AKAP7: variants seen among roughly 807,000 people sequenced by gnomAD.
The protein encoded by AKAP7 is A-kinase anchoring protein 7.
AKAP7 carries 39 observed loss-of-function variants against 39.5 expected under a neutral mutation model. That is an observed-to-expected ratio of 0.99 (90% CI 0.76 to 1.29). AKAP7 has a LOEUF of 1.29. Among genes scored for constraint, AKAP7 ranks in the 50% most tolerant of loss-of-function variants. The pLI, the probability that AKAP7 is intolerant of heterozygous loss-of-function variation, is 0.00. For synonymous variants in AKAP7, 140 were observed against 139.1 expected (o/e 1.01, Z -0.05); for missense variants, 414 against 407.7 (o/e 1.02, Z -0.13).
chr6:131,217,770 C>T (rs1042832966), intron 6 of AKAP7, among the ~76,000 whole-genome samples: 5 of 152,064 alleles, frequency 3.3e-5, no homozygotes, highest in African/African-American at 9.7e-5. Flanking sequence ...TTTTACAAAA[C>T]GGAAGTGAAG....
At position 131,281,867 on chromosome 6, in the gene AKAP7, C is replaced by A. The variant is rs1003131696; in HGVS notation, c.*141C>A. The A allele has an allele frequency of 2.3e-6, 3 of 1,277,478 alleles. No individual in the cohort carries two copies. The African/African-American group carries it at 4.6e-5, about 20-fold the overall frequency. 79.1% of individuals were successfully genotyped at this position (1,277,478 alleles called of 1,614,324 possible). On this transcript the variant is annotated 3_prime_UTR_variant, in exon 8 of 8. Coordinates refer to ENST00000431975, the MANE Select transcript of AKAP7 (RefSeq NM_016377.4). This position sits in a 1 kb window ranked among gnomAD's most constrained non-coding sequence, Gnocchi z 4.0. ...AAGATTGCCTAATACTTTTCATGAT[C>A]GATGTGTTCGCATTGCTGAAACACA...
chr6:131,250,128 G>GT (rs1417838755), intron 7 of AKAP7: 24 of 962,762 alleles, frequency 2.5e-5, no homozygotes, highest in Non-Finnish European at 2.7e-5. Flanking sequence ...CAGAAAATAT[G>GT]GTTTTTTTGG....
At chr6:131,224,759 T>TTTTTG (rs1491198995) in intron 7 of AKAP7, among the ~76,000 whole-genome samples, 1 of 120,948 alleles carries the variant, frequency 8.3e-6, no homozygotes, top group African/African-American at 3.2e-5. Flanking sequence ...TTTTTTTTTT[T>TTTTTG]GAGACAGAGT....
At chr6:131,251,816 A>T (rs559841433) in intron 7 of AKAP7, among the ~76,000 whole-genome samples, 2 of 152,364 alleles carry the variant, frequency 1.3e-5, no homozygotes, top group South Asian at 4.1e-4. Flanking sequence ...TTCACTTTCT[A>T]ACAAAGACCA....
At chr6:131,228,808 C>T (rs1410943587) in intron 7 of AKAP7, among the ~76,000 whole-genome samples, 1 of 152,136 alleles carries the variant, frequency 6.6e-6, no homozygotes, top group African/African-American at 2.4e-5. Context: ...TTAACATTTA[C>T]ATGCAAAAGC....
chr6:131,258,615 ATCTT>A (rs540245590), intron 7 of AKAP7, among the ~76,000 whole-genome samples: 9 of 152,246 alleles, frequency 5.9e-5, no homozygotes, highest in Non-Finnish European at 8.8e-5. Context: ...ATTAAAATAA[ATCTT>A]TCAGTTGCAT....
intron 5 of AKAP7, among the ~76,000 whole-genome samples, chr6:131,198,278 A>G (rs1382057969): frequency 2.0e-5 from 3 of 152,136 alleles, no homozygotes; most frequent in Admixed American, 6.5e-5. Context: ...TCTAACCTCT[A>G]TGTCAGTTCT....
In AKAP7 at chr6:131,219,112, C is replaced by G. The variant is rs879406522; in HGVS notation, c.703-549C>G. Among the ~76,000 whole-genome samples the G allele has an allele frequency of 8.6e-5, 13 of 151,796 alleles. No homozygotes were observed. In the East Asian group the frequency reaches 2.5e-3, roughly 29 times the overall value. On this transcript the variant is annotated intron_variant, in intron 6 of 7. Coordinates refer to ENST00000431975, the MANE Select transcript of AKAP7 (RefSeq NM_016377.4). Reference sequence around the variant, plus strand: ...TGAAACCCTGTCTCTACTAAAATTACAAAAAATATTTTTTTGTGGTGACAG... The same window carrying G: ...TGAAACCCTGTCTCTACTAAAATTAGAAAAAATATTTTTTTGTGGTGACAG...
chr6:131,164,618 C>CACAT (rs1234962983), intron 3 of AKAP7: 4 of 333,568 alleles, frequency 1.2e-5, no homozygotes, highest in African/African-American at 8.6e-5. Flanking sequence ...GGTTCACAGA[C>CACAT]ACATTCACTT....
chr6:131,193,505 G>T (rs1418748003), intron 5 of AKAP7, among the ~76,000 whole-genome samples: 1 of 151,960 alleles, frequency 6.6e-6, no homozygotes, highest in Non-Finnish European at 1.5e-5. Context: ...ATAGATATTG[G>T]CCTGTAGTTT....
intron 1 of AKAP7, among the ~76,000 whole-genome samples, chr6:131,144,759 T>C (rs1352315959): frequency 6.6e-6 from 1 of 152,218 alleles, no homozygotes; most frequent in Non-Finnish European, 1.5e-5. Flanking sequence ...TTTTTAATAA[T>C]TGAATTTTCA....
intron 1 of AKAP7, among the ~76,000 whole-genome samples, chr6:131,141,899 CTTTTTTT>C (rs773131426): frequency 2.6e-4 from 30 of 116,232 alleles, no homozygotes; most frequent in East Asian, 4.7e-4. Context: ...TTCTTTCTTT[CTTTTTTT>C]TTTTTTTTTT....
rs939644743 is a variant in AKAP7 at position 131,281,884 on chromosome 6, T to C, written c.*158T>C. On this transcript the variant is annotated 3_prime_UTR_variant, in exon 8 of 8. Coordinates refer to ENST00000431975, the MANE Select transcript of AKAP7 (RefSeq NM_016377.4). This position sits in a 1 kb window ranked among gnomAD's most constrained non-coding sequence, Gnocchi z 4.0. ...TTCATGATCGATGTGTTCGCATTGCTGAAACACAACAGAAGAAAAATGGAG... is the reference window on the plus strand; with the variant it reads ...TTCATGATCGATGTGTTCGCATTGCCGAAACACAACAGAAGAAAAATGGAG... 24 of 1,269,804 alleles carry C rather than the reference T, an allele frequency of 1.9e-5. No individual in the cohort carries two copies. The African/African-American group carries it at 3.2e-4, about 17-fold the overall frequency. 78.7% of individuals were successfully genotyped at this position (1,269,804 alleles called of 1,614,324 possible). A position where few individuals can be genotyped will look rare whatever the true frequency, so the allele number is the denominator to read the frequency against.
At chr6:131,228,660 A>C (rs1436641507) in intron 7 of AKAP7, among the ~76,000 whole-genome samples, 2 of 152,048 alleles carry the variant, frequency 1.3e-5, no homozygotes, top group Non-Finnish European at 1.5e-5. Flanking sequence ...AAATTCTTTT[A>C]AAATATACTT....
intron 7 of AKAP7, among the ~76,000 whole-genome samples, chr6:131,225,644 C>T (rs550445379): frequency 1.1e-4 from 17 of 151,966 alleles, no homozygotes; most frequent in African/African-American, 3.6e-4. Context: ...GATATATATT[C>T]GTTCATATTT....
Position 131,211,547 on chromosome 6 carries a change from C to T in AKAP7, c.703-8114C>T, listed in dbSNP as rs569274647. Among the ~76,000 whole-genome samples the T allele has an allele frequency of 1.6e-3, 236 of 151,494 alleles. 2 individuals carry two copies. The highest frequency in any genetic ancestry group is 5.4e-3 in the African/African-American group (225 of 41,286). On this transcript the variant is annotated intron_variant, in intron 6 of 7. Transcript: ENST00000431975. ...TTGGGAGGCTGAGGTGGGCGGATCA[C>T]GAGGTCAGGAGATTGAGACCATCCT...
In AKAP7 at chr6:131,281,707, A is replaced by G; in HGVS notation, c.1028A>G (p.Asn343Ser). 6.2e-7 allele frequency: 1 copy of G among 1,609,004 alleles called. No individual in the cohort carries two copies. The highest frequency in any genetic ancestry group is 1.7e-4 in the Middle Eastern group (1 of 5,978). Residue 343 changes from asparagine to serine, a missense_variant, in exon 8 of 8, where the codon AAT (asparagine) becomes AGT (serine). Transcript: ENST00000431975. This position sits in a 1 kb window ranked among gnomAD's most constrained non-coding sequence, Gnocchi z 4.0. ...TEAADQNGND[N>S]ENNRK is the part of the protein sequence containing the mutation. ...GCAGCTGATCAGAATGGCAATGACA[A>G]TGAGAACAACAGGAAATGAGCCCGG... is the stretch of plus-strand genomic sequence containing the variant.
rs1449853624 is a variant in AKAP7, at chr6:131,219,685, T to A, written c.727T>A (p.Leu243Ile). The change falls in exon 7 of 8, where the codon TTA becomes ATA. Residue 243 changes from leucine to isoleucine, a missense_variant. Leu to Ile is a conservative substitution (Grantham distance 5). Coordinates refer to ENST00000431975, the MANE Select transcript of AKAP7 (RefSeq NM_016377.4). ...KNGVKKIDPD[L>I]YEKFISHRFG... Reference sequence around the variant, plus strand: ...GGGAGTGAAAAAAATAGATCCTGATTTATATGAAAAGTTTATCAGTCACAG... The same window carrying A: ...GGGAGTGAAAAAAATAGATCCTGATATATATGAAAAGTTTATCAGTCACAG... 6.3e-7 allele frequency: 1 copy of A among 1,597,038 alleles called. No individual in the cohort carries two copies. Among genetic ancestry groups the A allele is most frequent in the Admixed American group, 1.8e-5 (1 of 56,566 alleles).
chr6:131,215,527 C>T (rs907888305), intron 6 of AKAP7, among the ~76,000 whole-genome samples: 5 of 151,904 alleles, frequency 3.3e-5, no homozygotes, highest in African/African-American at 1.2e-4. Context: ...CTGCAGCTGG[C>T]GAGGAGGTAA....
Sources: allele counts gnomAD v4.1 joint callset (sites outside exome capture counted in the v4.1 genomes callset), GRCh38; gene constraint gnomAD v4.1.1; non-coding constraint Gnocchi (gnomAD v3.1); transcripts MANE v1.5; gene names NCBI Gene and HGNC (gene_info 2026-07-23, HGNC 2026-07-21).